The following APTX variants were observed in gnomAD, a reference collection of about 807,000 sequenced individuals.
The protein encoded by APTX is aprataxin, also known as forkhead-associated domain histidine triad-like protein.
Under a neutral mutation model 42.3 loss-of-function variants are expected in APTX, and 33 were observed. The observed-to-expected ratio is 0.78, with a 90% confidence interval of 0.59 to 1.04. APTX has a LOEUF of 1.04. Among genes scored for constraint, APTX ranks in the 50% least tolerant of loss-of-function variants. The probability of loss-of-function intolerance (pLI) is 0.00; values close to 1 mark genes in which losing one functional copy is unlikely to be tolerated. For synonymous variants in APTX, 130 were observed against 146.7 expected, an observed-to-expected ratio of 0.89 and a Z score of 0.82; for missense variants, 421 against 415.1, an observed-to-expected ratio of 1.01 and a Z score of -0.12.
chr9:33,018,570 G>GA (rs74178841), intron 1 of APTX, among the ~76,000 whole-genome samples: 34,151 of 114,570 alleles, frequency 0.3, 4,999 homozygotes, highest in Middle Eastern at 0.33. Context: ...CTTCGTCTCA[G>GA]AAAAAAAAAA....
At chr9:33,008,658 TCTC>T (rs1190344964) in intron 1 of APTX, among the ~76,000 whole-genome samples, 1 of 151,976 alleles carries the variant, frequency 6.6e-6, no homozygotes, top group Non-Finnish European at 1.5e-5. Context: ...TTCAAGCAAT[TCTC>T]CTGCCTCAGC....
rs1303395150 is a variant in APTX at position 32,973,579 on chromosome 9, G to A, written c.948C>T (p.Pro316=). 1 of 1,613,914 alleles carries A rather than the reference G, an allele frequency of 6.2e-7. No individual in the cohort carries two copies. Among genetic ancestry groups the A allele is most frequent in the Admixed American group, 1.7e-5 (1 of 59,988 alleles). ...GCTGCTGGCACTCATGACAACGAAG[G>A]GGCAGCTTCAAGAGCTCAGGCATCC... ...RDGMPELLKL[P]LRCHECQQLL... The change falls in exon 8 of 8, where the codon CCC becomes CCT. Residue 316 remains proline (P), a synonymous_variant. Coordinates refer to ENST00000379817, the MANE Select transcript of APTX (RefSeq NM_001195248.2).
At chr9:32,996,885 G>A (rs189811306) in intron 1 of APTX, among the ~76,000 whole-genome samples, 20 of 152,280 alleles carry the variant, frequency 1.3e-4, no homozygotes, top group East Asian at 1.9e-4. Flanking sequence ...AGGATCCCCC[G>A]GTTTTCAGCA....
chr9:33,021,129 C>CAAA (rs11384877), intron 1 of APTX, among the ~76,000 whole-genome samples: 9 of 107,528 alleles, frequency 8.4e-5, no homozygotes, highest in Non-Finnish European at 1.3e-4. Context: ...AACTCTGTCT[C>CAAA]AAAAAAAAAA....
At chr9:32,994,090 TC>T (rs1164642312) in intron 1 of APTX, among the ~76,000 whole-genome samples, 1 of 152,154 alleles carries the variant, frequency 6.6e-6, no homozygotes, top group Non-Finnish European at 1.5e-5. Flanking sequence ...CTTAAAGAAC[TC>T]AAGTGATCTG....
At chr9:32,985,332 T>G (rs1451885210) in intron 5 of APTX, among the ~76,000 whole-genome samples, 2 of 146,306 alleles carry the variant, frequency 1.4e-5, no homozygotes, top group East Asian at 2.0e-4. Flanking sequence ...GCCTGTTTTT[T>G]TTTTTTTTTT....
chr9:32,983,955 T>TA (rs1004900730), intron 6 of APTX, among the ~76,000 whole-genome samples: 1 of 152,212 alleles, frequency 6.6e-6, no homozygotes, highest in African/African-American at 2.4e-5. Context: ...AATATGAATA[T>TA]AGTAATGCCA....
intron 1 of APTX, among the ~76,000 whole-genome samples, chr9:33,021,600 A>C (rs1234611122): frequency 1.3e-5 from 2 of 152,176 alleles, no homozygotes; most frequent in African/African-American, 4.8e-5. Flanking sequence ...AGGCAGGACA[A>C]CTGCTTGAGC....
At position 32,989,885 on chromosome 9, in the gene APTX, G is replaced by A. The variant is rs537392574; in HGVS notation, c.7C>T (p.Arg3Trp). 18 of 1,613,870 alleles carry A rather than the reference G, an allele frequency of 1.1e-5. No homozygotes were observed. The highest frequency in any genetic ancestry group is 3.3e-5 in the South Asian group (3 of 91,064). MM[R>W]VCWLVRQDSR... ...TCCTGTCTCACCAACCAGCACACCC[G>A]CATCATCACTCTAAGGGACAAAACA... Residue 3 changes from arginine (R) to tryptophan (W), a missense_variant, in exon 2 of 8, where the codon CGG becomes TGG. Coordinates refer to ENST00000379817, the MANE Select transcript of APTX (RefSeq NM_001195248.2).
Position 32,972,734 on chromosome 9 carries a change from A to G in APTX, c.*764T>C, listed in dbSNP as rs1191944347. The G allele has an allele frequency of 4.4e-6, 2 of 454,130 alleles. No individual in the cohort carries two copies. The highest frequency in any genetic ancestry group is 3.1e-5 in the South Asian group (2 of 64,474). 28.1% of individuals were successfully genotyped at this position (454,130 alleles called of 1,614,324 possible). Reference sequence around the variant, plus strand: ...TGCTGTGATTGTTAGCTGAACTTCAATAGTTTCCACCTACTTAAGAGAGAT... The same window carrying G: ...TGCTGTGATTGTTAGCTGAACTTCAGTAGTTTCCACCTACTTAAGAGAGAT... On this transcript the variant is annotated 3_prime_UTR_variant, in exon 8 of 8. Coordinates refer to ENST00000379817, the MANE Select transcript of APTX (RefSeq NM_001195248.2).
chr9:32,974,468 T>C lies in APTX; in HGVS notation c.864A>G (p.Leu288=), dbSNP rs1401698701. Residue 288 remains leucine, a synonymous_variant, in exon 7 of 8, where the codon CTA becomes CTG. Transcript: ENST00000379817. ...HWNSFNTEYF[L]ESQAVIEMVQ... The stretch of plus-strand genomic sequence containing the variant: ...AGGAACACTGTTTACCTTGTGATTC[T>C]AGGAAGTATTCTGTATTGAAAGAAT... 3.2e-6 allele frequency: 5 copies of C among 1,577,404 alleles called. No individual in the cohort carries two copies. The highest frequency in any genetic ancestry group is 4.4e-6 in the Non-Finnish European group (5 of 1,147,252).
rs115845488 is a variant in APTX, at chr9:33,021,642, G to A, written c.-5+3381C>T. 5.3e-3 allele frequency among the ~76,000 whole-genome samples: 798 copies of A among 151,364 alleles called. 8 individuals are homozygous for A. Among genetic ancestry groups the A allele is most frequent in the African/African-American group, 0.018 (750 of 41,158 alleles). ...GTTCAAGAACAGCCTGGGCAACATA[G>A]GAAGACCCTATCTCTGCACATACAA... On this transcript the variant is annotated intron_variant, in intron 1 of 6. Coordinates refer to the APTX transcript ENST00000436040.
At chr9:33,016,065 T>C (rs1439352390) in intron 1 of APTX, 3 of 152,254 alleles carry the variant, frequency 2.0e-5, no homozygotes, top group Non-Finnish European at 4.4e-5. Flanking sequence ...CCAAATGGTA[T>C]CTAGGAGTTC....
chr9:33,008,418 T>A (rs78774218), intron 1 of APTX, among the ~76,000 whole-genome samples: 10,720 of 152,088 alleles, frequency 0.07, 513 homozygotes, highest in Non-Finnish European at 0.11. Flanking sequence ...ATTTTTTTTT[T>A]AAATTAGAGA....
At chr9:32,992,150 C>G (rs147306041) in intron 1 of APTX, among the ~76,000 whole-genome samples, 1 of 152,272 alleles carries the variant, frequency 6.6e-6, no homozygotes, top group South Asian at 2.1e-4. Flanking sequence ...GTGCTCAAGC[C>G]TCTAACATGC....
At chr9:32,981,108 T>A (rs1458767475) in intron 6 of APTX, among the ~76,000 whole-genome samples, 1 of 152,188 alleles carries the variant, frequency 6.6e-6, no homozygotes, top group Non-Finnish European at 1.5e-5. Flanking sequence ...GTGTTTTGAC[T>A]AGATACGATA....
chr9:33,011,566 T>C (rs1344905961), intron 1 of APTX, among the ~76,000 whole-genome samples: 1 of 152,184 alleles, frequency 6.6e-6, no homozygotes, highest in African/African-American at 2.4e-5. Context: ...ATTACAGGCA[T>C]GAGCCACCGC....
At chr9:32,989,563 G>A (rs764588722) in intron 2 of APTX, 196 bp downstream of exon 2, 1 of 825,728 alleles carries the variant, frequency 1.2e-6, no homozygotes, top group Non-Finnish European at 2.0e-6. Context: ...CACCCACCCT[G>A]CCTTGAACAT....
At position 33,012,450 on chromosome 9, in the gene APTX, CT is replaced by C. The variant is rs567266664; in HGVS notation, c.-5+12572del. ...TGACTGGACTTGGCTGAGTGACTGG[CT>C]TTTGCCAATGGGACACTACCAAGTA... On this transcript the variant is annotated intron_variant, in intron 1 of 6. Coordinates refer to the APTX transcript ENST00000436040. Among the ~76,000 whole-genome samples, 660 of 152,262 alleles carry C rather than the reference CT, an allele frequency of 4.3e-3. 4 individuals carry two copies. The highest frequency in any genetic ancestry group is 6.8e-3 in the Middle Eastern group (2 of 294).
Sources: gnomAD v4.1 joint callset for allele counts (sites outside exome capture counted in the v4.1 genomes callset) on GRCh38, gnomAD v4.1.1 for gene constraint, MANE v1.5 for transcripts, NCBI Gene and HGNC (gene_info 2026-07-23, HGNC 2026-07-21) for gene names.